The following SLC8A1 variants were observed in gnomAD, a reference collection of about 807,000 sequenced individuals.
SLC8A1 encodes solute carrier family 8 member A1.
Under a neutral mutation model 68.3 loss-of-function variants are expected in SLC8A1, and 18 were observed. The ratio of observed to expected loss-of-function variants is 0.26; its 90% confidence interval spans 0.18 to 0.39. SLC8A1 has a LOEUF of 0.39. Ranked by LOEUF, SLC8A1 falls within the 10% of genes least tolerant of loss-of-function variation. The pLI is 1.00. For synonymous variants in SLC8A1, 475 were observed against 415.5 expected, an observed-to-expected ratio of 1.14 and a Z score of -1.74; for missense variants, 985 against 1,156.7, an observed-to-expected ratio of 0.85 and a Z score of 2.15.
chr2:40,391,190 T>TAACACACACACGTATATATA (rs1553562237), intron 2 of SLC8A1, among the ~76,000 whole-genome samples: 1 of 149,114 alleles, frequency 6.7e-6, no homozygotes, highest in South Asian at 2.1e-4. Context: ...TGTATATATA[T>TAACACACACACGTATATATA]TACACACACA....
At position 40,233,550 on chromosome 2, in the gene SLC8A1, T is replaced by G. The variant is rs181959759; in HGVS notation, c.1809-55695A>C. ...ATTTTCTCCCATTCTGTAGGTTGCC[T>G]GTTCTCTCTGACGGTAGTTTCTTTT... On this transcript the variant is annotated intron_variant, in intron 2 of 7. Coordinates refer to ENST00000406785, the Ensembl canonical transcript of SLC8A1. 3.6e-5 allele frequency among the ~76,000 whole-genome samples: 5 copies of G among 139,148 alleles called. No homozygotes were observed. In the East Asian group the frequency reaches 9.8e-4, roughly 27 times the overall value. 91.3% of individuals were successfully genotyped at this position (139,148 alleles called of 152,430 possible).
chr2:40,151,358 T>C (rs768981201), intron 6 of SLC8A1, among the ~76,000 whole-genome samples: 1 of 152,184 alleles, frequency 6.6e-6, no homozygotes, highest in Non-Finnish European at 1.5e-5. Context: ...TATATACGGA[T>C]TGGAAAACTT....
At chr2:40,340,593 G>A (rs1667384221) in intron 2 of SLC8A1, among the ~76,000 whole-genome samples, 1 of 152,074 alleles carries the variant, frequency 6.6e-6, no homozygotes, top group Non-Finnish European at 1.5e-5. Flanking sequence ...GGGAGTTGGG[G>A]GACTAGGCAC....
chr2:40,199,717 C>T (rs1015716410), intron 2 of SLC8A1, among the ~76,000 whole-genome samples: 1 of 151,710 alleles, frequency 6.6e-6, no homozygotes, highest in South Asian at 2.1e-4. Flanking sequence ...TACAAAAACT[C>T]AGCCATAGAG....
intron 2 of SLC8A1, among the ~76,000 whole-genome samples, chr2:40,313,408 T>C (rs2074006149): frequency 6.6e-6 from 1 of 152,122 alleles, no homozygotes; most frequent in Non-Finnish European, 1.5e-5. Flanking sequence ...TGCTTTCTTT[T>C]CTGTTGGGTA....
chr2:40,464,869 G>A (rs1263763831), intron 1 of SLC8A1, among the ~76,000 whole-genome samples: 3 of 152,170 alleles, frequency 2.0e-5, no homozygotes, highest in Admixed American at 1.3e-4. Context: ...GGGGACAGTT[G>A]AGTATTTGAT....
chr2:40,490,716 C>T (rs912560944), intron 1 of SLC8A1, among the ~76,000 whole-genome samples: 7 of 151,972 alleles, frequency 4.6e-5, no homozygotes, highest in African/African-American at 1.4e-4. Flanking sequence ...AAATGAAAGA[C>T]TTCTAACGTC....
intron 2 of SLC8A1, among the ~76,000 whole-genome samples, chr2:40,387,192 T>C (rs1311922037): frequency 6.6e-6 from 1 of 151,454 alleles, no homozygotes; most frequent in Non-Finnish European, 1.5e-5. Flanking sequence ...GTTTATTCTG[T>C]AGTAATGGTA....
At chr2:40,160,707 G>A in intron 6 of SLC8A1, 58 bp downstream of exon 9, 3 of 1,489,174 alleles carry the variant, frequency 2.0e-6, no homozygotes, top group Non-Finnish European at 2.8e-6. Flanking sequence ...GCCACAGTAG[G>A]AAAACTCAGC....
chr2:40,391,253 A>C (rs1029936565), intron 2 of SLC8A1, among the ~76,000 whole-genome samples: 27 of 151,576 alleles, frequency 1.8e-4, no homozygotes, highest in African/African-American at 6.3e-4. Flanking sequence ...CAAATAATTA[A>C]GTAATTCCAT....
intron 3 of SLC8A1, among the ~76,000 whole-genome samples, chr2:40,176,668 G>A (rs894397136): frequency 5.9e-5 from 9 of 152,120 alleles, no homozygotes; most frequent in East Asian, 1.9e-4. Flanking sequence ...TGGGATGAAC[G>A]TGGGATAAAT....
At chr2:40,213,435 C>G (rs895213970) in intron 2 of SLC8A1, 2 of 152,102 alleles carry the variant, frequency 1.3e-5, no homozygotes, top group Admixed American at 6.5e-5. Flanking sequence ...GGGACAATGC[C>G]ATCACCAGCA....
At chr2:40,337,328 G>A (rs1045963321) in intron 2 of SLC8A1, 8 of 353,036 alleles carry the variant, frequency 2.3e-5, no homozygotes, top group Middle Eastern at 3.8e-4. Flanking sequence ...ATATTGTTTT[G>A]TAAATATCAT....
At chr2:40,356,805 G>A (rs999004857) in intron 2 of SLC8A1, among the ~76,000 whole-genome samples, 1 of 152,140 alleles carries the variant, frequency 6.6e-6, no homozygotes, top group Non-Finnish European at 1.5e-5. Context: ...CACATGCCTT[G>A]TTAATGTGAG....
chr2:40,263,500 C>T (rs1246766307), intron 2 of SLC8A1, among the ~76,000 whole-genome samples: 4 of 152,148 alleles, frequency 2.6e-5, no homozygotes, highest in East Asian at 3.8e-4. Context: ...GGTACCAAAA[C>T]AGAGATATAG....
chr2:40,476,613 G>A (rs1469995612), intron 1 of SLC8A1, among the ~76,000 whole-genome samples: 5 of 152,172 alleles, frequency 3.3e-5, no homozygotes, highest in Non-Finnish European at 5.9e-5. Context: ...AGTCTGGGCA[G>A]AGGTCATGGA....
intron 1 of SLC8A1, among the ~76,000 whole-genome samples, chr2:40,497,636 A>G (rs1705795433): frequency 6.6e-6 from 1 of 152,004 alleles, no homozygotes; most frequent in South Asian, 2.1e-4. Flanking sequence ...TGGAGATCTG[A>G]GCCACTCTGA....
intron 2 of SLC8A1, among the ~76,000 whole-genome samples, chr2:40,216,768 T>C (rs980736569): frequency 6.6e-6 from 1 of 152,248 alleles, no homozygotes; most frequent in African/African-American, 2.4e-5. Flanking sequence ...GTTGGGCTTC[T>C]TTTCATATTT....
rs147138763 is a variant in SLC8A1, at chr2:40,380,892, G to C, written c.1808+47581C>G. ...CTTTTCAACAAATCACCCTGCGTAT[G>C]GGATCCAAAGTAGGGCAGTAAAAAT... On this transcript the variant is annotated intron_variant, in intron 2 of 7. Coordinates refer to ENST00000406785, the Ensembl canonical transcript of SLC8A1. 4.1e-3 allele frequency among the ~76,000 whole-genome samples: 628 copies of C among 152,144 alleles called. 5 individuals are homozygous for C. Among genetic ancestry groups the C allele is most frequent in the Non-Finnish European group, 5.5e-3 (371 of 67,994 alleles).
Sources: gnomAD v4.1 joint callset for allele counts (sites outside exome capture counted in the v4.1 genomes callset) on GRCh38, gnomAD v4.1.1 for gene constraint, MANE v1.5 for transcripts, NCBI Gene and HGNC (gene_info 2026-07-23, HGNC 2026-07-21) for gene names.